The following HUNK variants were observed in gnomAD, a reference collection of about 807,000 sequenced individuals.
The protein encoded by HUNK is hormonally up-regulated neu tumor-associated kinase.
Under a neutral mutation model 61.0 loss-of-function variants are expected in HUNK, and 21 were observed. The observed-to-expected ratio is 0.34, with a 90% CI of 0.24 to 0.50. The LOEUF is 0.50. HUNK is among the 20% of genes least tolerant of loss of function. The probability of loss-of-function intolerance (pLI) is 0.98; values close to 1 mark genes in which losing one functional copy is unlikely to be tolerated. For missense variants in HUNK, 772 were observed against 945.7 expected, an observed-to-expected ratio of 0.82 and a Z score of 2.41; for synonymous variants, 371 against 386.1, an observed-to-expected ratio of 0.96 and a Z score of 0.46.
chr21:31,961,926 C>T (rs139996156), intron 5 of HUNK, among the ~76,000 whole-genome samples: 1 of 152,240 alleles, frequency 6.6e-6, no homozygotes, highest in East Asian at 1.9e-4. Context: ...ACAATCAGCC[C>T]CCAAGTCTTA....
At chr21:31,997,648 AAC>A (rs1339481549) in intron 10 of HUNK, among the ~76,000 whole-genome samples, 1 of 152,224 alleles carries the variant, frequency 6.6e-6, no homozygotes, top group East Asian at 1.9e-4. Context: ...TTGATTCTAC[AAC>A]AGTGTGAATA....
At chr21:31,905,429 T>C (rs1333326927) in intron 1 of HUNK, among the ~76,000 whole-genome samples, 1 of 152,116 alleles carries the variant, frequency 6.6e-6, no homozygotes, top group African/African-American at 2.4e-5. Context: ...TGGGAGATAG[T>C]AATTAAAATG....
chr21:31,950,643 G>A (rs1265646557), intron 4 of HUNK, among the ~76,000 whole-genome samples: 2 of 152,112 alleles, frequency 1.3e-5, no homozygotes, highest in South Asian at 4.1e-4. Flanking sequence ...TAAACTTGGG[G>A]TCTGATTTTG....
In HUNK at chr21:31,999,310, CCA is replaced by C; in HGVS notation, c.*129_*130del. ...TCCTTAGTCCCACCTGTAGCTGAAT[CCA>C]CAGACCCAAAGCCTGCACAACCCAA... is the stretch of plus-strand genomic sequence containing the variant. On this transcript the variant is annotated 3_prime_UTR_variant, in exon 11 of 11. Transcript: ENST00000270112. 1.2e-6 allele frequency: 1 copy of C among 863,686 alleles called. No homozygotes were observed. The highest frequency in any genetic ancestry group is 1.8e-6 in the Non-Finnish European group (1 of 560,424). The allele number at this position is 863,686 out of a possible 1,614,324, so 53.5% of individuals were successfully genotyped here.
chr21:31,959,917 G>A (rs1278229169), intron 5 of HUNK, among the ~76,000 whole-genome samples: 1 of 152,176 alleles, frequency 6.6e-6, no homozygotes, highest in African/African-American at 2.4e-5. Flanking sequence ...TCAAGGGAGG[G>A]GAGACTCTCT....
intron 1 of HUNK, among the ~76,000 whole-genome samples, chr21:31,889,381 C>T (rs112261006): frequency 1.3e-4 from 20 of 152,236 alleles, no homozygotes; most frequent in Admixed American, 8.5e-4. Flanking sequence ...CTGAGCCCTA[C>T]TTTAGTGAAA....
Position 31,999,196 on chromosome 21 carries a change from G to T in HUNK, c.*12G>T. ...AGACCCAGTGCTAACTTGGGCCAGC[G>T]GGGTTTGGGGTATCTCTAGAAAACA... On this transcript the variant is annotated 3_prime_UTR_variant, in exon 11 of 11. Transcript: ENST00000270112. 6.3e-7 allele frequency: 1 copy of T among 1,578,614 alleles called. No individual in the cohort carries two copies. Among genetic ancestry groups the T allele is most frequent in the South Asian group, 1.2e-5 (1 of 85,806 alleles).
Position 31,998,611 on chromosome 21 carries a change from A to T in HUNK, c.1572A>T (p.Pro524=). 1.2e-6 allele frequency: 2 copies of T among 1,613,904 alleles called. No individual in the cohort carries two copies. Among genetic ancestry groups the T allele is most frequent in the Admixed American group, 1.7e-5 (1 of 59,982 alleles). Residue 524 remains proline, a synonymous_variant, in exon 11 of 11, where the codon CCA becomes CCT. Transcript: ENST00000270112. Reference sequence around the variant, plus strand: ...CTTCCATGGAGTTCATCCCCGTGCCACCGCCCAGGACCCCGAGGATTGTGA... The same window carrying T: ...CTTCCATGGAGTTCATCCCCGTGCCTCCGCCCAGGACCCCGAGGATTGTGA... ...ASSSMEFIPV[P]PPRTPRIVKK... is the part of the protein sequence containing the mutation.
At chr21:31,977,144 A>C (rs9305482) in intron 7 of HUNK, among the ~76,000 whole-genome samples, 17,756 of 152,218 alleles carry the variant, frequency 0.12, 1,446 homozygotes, top group Non-Finnish European at 0.18. Context: ...TTTATTATAT[A>C]TCTTATAGCG....
At chr21:31,981,850 T>TTTAC (rs1188870885) in intron 7 of HUNK, among the ~76,000 whole-genome samples, 1 of 152,082 alleles carries the variant, frequency 6.6e-6, no homozygotes, top group Non-Finnish European at 1.5e-5. Context: ...TATTTATTTA[T>TTTAC]TTATTTACTT....
At position 31,990,915 on chromosome 21, in the gene HUNK, G is replaced by C. The variant is rs929831510; in HGVS notation, c.1305+739G>C. 3.9e-5 allele frequency among the ~76,000 whole-genome samples: 6 copies of C among 152,280 alleles called. No individual in the cohort carries two copies. The South Asian group carries it at 1.2e-3, about 32-fold the overall frequency. On this transcript the variant is annotated intron_variant, in intron 9 of 10. Transcript: ENST00000270112. ...CCAAACAACTGGGTACCATGGCCTAGGCAAGTTGACATATGAAATTAACCA... is the reference window on the plus strand; with the variant it reads ...CCAAACAACTGGGTACCATGGCCTACGCAAGTTGACATATGAAATTAACCA...
intron 1 of HUNK, among the ~76,000 whole-genome samples, chr21:31,907,914 C>T (rs1228366985): frequency 2.0e-5 from 3 of 151,786 alleles, no homozygotes; most frequent in Admixed American, 1.3e-4. Context: ...CACTTGAACC[C>T]GGGAGACGGA....
chr21:31,934,740 A>G (rs1424063269), intron 2 of HUNK, among the ~76,000 whole-genome samples: 2 of 152,018 alleles, frequency 1.3e-5, no homozygotes, highest in Admixed American at 6.6e-5. Context: ...GCTCCCACTT[A>G]CAAGGAAGAA....
chr21:31,906,230 A>G (rs1393481412), intron 1 of HUNK, among the ~76,000 whole-genome samples: 1 of 152,084 alleles, frequency 6.6e-6, no homozygotes, highest in Non-Finnish European at 1.5e-5. Context: ...CGGCTTACTG[A>G]TGAATAGTCG....
At chr21:31,882,169 CAAA>C (rs111717052) in intron 1 of HUNK, among the ~76,000 whole-genome samples, 1 of 151,444 alleles carries the variant, frequency 6.6e-6, no homozygotes, top group Admixed American at 6.6e-5. Flanking sequence ...TTCTCATGGA[CAAA>C]AAAAACTACT....
intron 1 of HUNK, among the ~76,000 whole-genome samples, chr21:31,920,661 G>T (rs1190119028): frequency 2.0e-5 from 3 of 152,144 alleles, no homozygotes; most frequent in African/African-American, 7.2e-5. Flanking sequence ...TGAACTACTT[G>T]GGGCCAGACA....
Position 32,001,653 on chromosome 21 carries a change from TTG to T in HUNK, c.*2488_*2489del, listed in dbSNP as rs57567351. 17,520 of 151,168 alleles carry T rather than the reference TTG, an allele frequency of 0.12. 1,126 individuals are homozygous for T. The highest frequency in any genetic ancestry group is 0.15 in the Non-Finnish European group (10,013 of 67,598). The allele number at this position is 151,168 out of a possible 1,614,324, so 9.4% of individuals were successfully genotyped here. A position where few individuals can be genotyped will look rare whatever the true frequency, so the allele number is the denominator to read the frequency against. On this transcript the variant is annotated 3_prime_UTR_variant, in exon 11 of 11. Coordinates refer to ENST00000270112, the MANE Select transcript of HUNK (RefSeq NM_014586.2). Reference sequence around the variant, plus strand: ...AGTGATGAAAGGGGATCAGCTGTATTTGTGTGTGTGTGTGTGTGTGAGCACCT... The same window carrying T: ...AGTGATGAAAGGGGATCAGCTGTATTTGTGTGTGTGTGTGTGTGAGCACCT...
At chr21:31,952,027 T>TTC (rs1280164767) in intron 4 of HUNK, among the ~76,000 whole-genome samples, 1 of 151,020 alleles carries the variant, frequency 6.6e-6, no homozygotes, top group Non-Finnish European at 1.5e-5. Context: ...AGTACGAGAT[T>TTC]TTTTTTTTAT....
At chr21:31,970,227 C>T (rs1374404441) in intron 6 of HUNK, among the ~76,000 whole-genome samples, 1 of 152,186 alleles carries the variant, frequency 6.6e-6, no homozygotes, top group Non-Finnish European at 1.5e-5. Flanking sequence ...CCAGGCAGGG[C>T]TCTGCTTGGG....
Sources: allele counts gnomAD v4.1 joint callset (sites outside exome capture counted in the v4.1 genomes callset), GRCh38; gene constraint gnomAD v4.1.1; transcripts MANE v1.5; gene names NCBI Gene and HGNC (gene_info 2026-07-23, HGNC 2026-07-21).